CACNA2D3: variants seen among roughly 807,000 people sequenced by gnomAD.
CACNA2D3 encodes the protein calcium voltage-gated channel auxiliary subunit alpha2delta 3.
In CACNA2D3, 60 loss-of-function variants were observed where a neutral mutation model predicts 160.6. The observed-to-expected ratio is 0.37, with a 90% CI of 0.30 to 0.46. The LOEUF (loss-of-function observed/expected upper bound fraction) is 0.46. Ranked by LOEUF, CACNA2D3 falls within the 20% of genes least tolerant of loss-of-function variation. The probability of loss-of-function intolerance (pLI) is 1.00; values close to 1 mark genes in which losing one functional copy is unlikely to be tolerated. For synonymous variants in CACNA2D3, 558 were observed against 492.9 expected (o/e 1.13, Z -1.75); for missense variants, 1,205 against 1,365.0 (o/e 0.88, Z 1.85).
intron 2 of CACNA2D3, among the ~76,000 whole-genome samples, chr3:54,152,064 C>CCATT (rs1235068870): frequency 6.6e-6 from 1 of 152,238 alleles, no homozygotes; most frequent in Non-Finnish European, 1.5e-5. Flanking sequence ...CCGGTCTACA[C>CCATT]CATTCCCACA....
At chr3:54,434,812 G>A (rs1036294106) in intron 4 of CACNA2D3, among the ~76,000 whole-genome samples, 1 of 152,142 alleles carries the variant, frequency 6.6e-6, no homozygotes, top group Non-Finnish European at 1.5e-5. Context: ...CATAAAGAAA[G>A]TTTAAGCTAT....
intron 3 of CACNA2D3, among the ~76,000 whole-genome samples, chr3:54,362,220 C>T (rs372199236): frequency 3.9e-5 from 6 of 152,242 alleles, no homozygotes; most frequent in East Asian, 3.9e-4. Flanking sequence ...AAAGTGTCGG[C>T]GAGGACGAAG....
intron 3 of CACNA2D3, among the ~76,000 whole-genome samples, chr3:54,382,784 AAAAAC>A (rs1271856460): frequency 1.6e-4 from 24 of 152,378 alleles, no homozygotes; most frequent in African/African-American, 5.5e-4. Context: ...ACTCCGTCTC[AAAAAC>A]AAAACAAAGC....
intron 4 of CACNA2D3, among the ~76,000 whole-genome samples, chr3:54,498,041 T>C (rs927187779): frequency 2.6e-5 from 4 of 151,142 alleles, no homozygotes; most frequent in African/African-American, 9.7e-5. Flanking sequence ...TATTGGCATA[T>C]AGTTTTTTTT....
chr3:54,226,635 T>C (rs532649711), intron 2 of CACNA2D3, among the ~76,000 whole-genome samples: 1 of 152,230 alleles, frequency 6.6e-6, no homozygotes, highest in East Asian at 1.9e-4. Context: ...TATTTGCCCC[T>C]TGATTCCTGG....
chr3:54,168,036 A>C (rs1700492386), intron 2 of CACNA2D3, among the ~76,000 whole-genome samples: 1 of 147,392 alleles, frequency 6.8e-6, no homozygotes, highest in Non-Finnish European at 1.5e-5. Flanking sequence ...ACTTTCCTTC[A>C]CTCCTTTCTG....
chr3:54,852,863 G>C (rs1309350248), intron 17 of CACNA2D3, among the ~76,000 whole-genome samples: 1 of 152,156 alleles, frequency 6.6e-6, no homozygotes, highest in East Asian at 1.9e-4. Context: ...AAAGGTAGGA[G>C]CACTTCTAGA....
rs759569667 is a variant in CACNA2D3 at position 54,562,834 on chromosome 3, A to G, written c.579A>G (p.Glu193=). ...PAIVNGVYWS[E]SLNKVFVDNF... ...TTGTCAATGGGGTTTATTGGTCTGAATCTCTAAACAAAGTTTTTGTAGATA... is the reference window on the plus strand; with the variant it reads ...TTGTCAATGGGGTTTATTGGTCTGAGTCTCTAAACAAAGTTTTTGTAGATA... Residue 193 remains glutamate, a synonymous_variant, in exon 6 of 38, where the codon GAA becomes GAG. Coordinates refer to ENST00000474759, the MANE Select transcript of CACNA2D3 (RefSeq NM_018398.3). 1.3e-5 allele frequency: 21 copies of G among 1,612,938 alleles called. No homozygotes were observed. The highest frequency in any genetic ancestry group is 6.6e-5 in the South Asian group (6 of 91,054).
chr3:55,034,060 A>G (rs962002321), intron 35 of CACNA2D3, among the ~76,000 whole-genome samples: 42 of 151,476 alleles, frequency 2.8e-4, no homozygotes, highest in African/African-American at 9.2e-4. Flanking sequence ...TTATCTATAC[A>G]TTAAATTACT....
At chr3:54,567,316 A>C (rs1020521135) in intron 6 of CACNA2D3, among the ~76,000 whole-genome samples, 1 of 152,226 alleles carries the variant, frequency 6.6e-6, no homozygotes, top group African/African-American at 2.4e-5. Flanking sequence ...GTATGTGTTT[A>C]AACTTTAAAT....
At chr3:54,124,599 C>T (rs1271567991) in intron 2 of CACNA2D3, among the ~76,000 whole-genome samples, 1 of 152,122 alleles carries the variant, frequency 6.6e-6, no homozygotes, top group Non-Finnish European at 1.5e-5. Context: ...GCCTGGTAAC[C>T]AAGTACGTAT....
At chr3:54,844,242 T>C (rs1257964878) in intron 16 of CACNA2D3, among the ~76,000 whole-genome samples, 2 of 151,842 alleles carry the variant, frequency 1.3e-5, no homozygotes, top group African/African-American at 2.4e-5. Flanking sequence ...CTAAGAAAAG[T>C]AGGAAGATTT....
intron 18 of CACNA2D3, among the ~76,000 whole-genome samples, chr3:54,878,416 G>A (rs1038503690): frequency 6.6e-6 from 1 of 152,008 alleles, no homozygotes; most frequent in African/African-American, 2.4e-5. Flanking sequence ...AGCCAGGCTC[G>A]CTGCTCCTAA....
At chr3:54,270,985 G>A (rs2107450853) in intron 2 of CACNA2D3, among the ~76,000 whole-genome samples, 1 of 152,312 alleles carries the variant, frequency 6.6e-6, no homozygotes, top group East Asian at 1.9e-4. Context: ...ATAAAATCAG[G>A]AACAGTAAGT....
chr3:54,533,209 C>T (rs1163061545), intron 5 of CACNA2D3, among the ~76,000 whole-genome samples: 1 of 152,026 alleles, frequency 6.6e-6, no homozygotes, highest in East Asian at 1.9e-4. Context: ...CCTTAGAGCT[C>T]TTACAGAAAT....
At chr3:54,836,638 C>T (rs549738228) in intron 14 of CACNA2D3, among the ~76,000 whole-genome samples, 2 of 152,156 alleles carry the variant, frequency 1.3e-5, no homozygotes, top group South Asian at 2.1e-4. Flanking sequence ...ATTTGTTTTC[C>T]ATCTGGGACT....
chr3:54,788,968 C>A (rs1575476151), intron 13 of CACNA2D3, among the ~76,000 whole-genome samples: 1 of 152,240 alleles, frequency 6.6e-6, no homozygotes, highest in South Asian at 2.1e-4. Flanking sequence ...GAAAACCTTA[C>A]CTTTCCCTGG....
At chr3:54,845,877 A>G (rs1575508280) in intron 16 of CACNA2D3, among the ~76,000 whole-genome samples, 2 of 152,190 alleles carry the variant, frequency 1.3e-5, no homozygotes, top group South Asian at 4.1e-4. Context: ...AGGCTGGGAC[A>G]GGGGGACACT....
intron 13 of CACNA2D3, among the ~76,000 whole-genome samples, chr3:54,784,530 C>A (rs974287427): frequency 6.6e-6 from 1 of 152,104 alleles, no homozygotes; most frequent in Non-Finnish European, 1.5e-5. Flanking sequence ...GTAACCTCAT[C>A]CCTCCATGCA....
Sources: allele counts gnomAD v4.1 joint callset (sites outside exome capture counted in the v4.1 genomes callset), GRCh38; gene constraint gnomAD v4.1.1; transcripts MANE v1.5; gene names NCBI Gene and HGNC (gene_info 2026-07-23, HGNC 2026-07-21).